Variants in CAMTA1 observed in about 807,000 individuals in gnomAD.
The protein encoded by CAMTA1 is calmodulin binding transcription activator 1.
CAMTA1 carries 27 observed loss-of-function variants against 170.9 expected under a neutral mutation model. The ratio of observed to expected loss-of-function variants is 0.16; its 90% CI spans 0.12 to 0.22. The LOEUF is 0.22. Among genes scored for constraint, CAMTA1 ranks in the 10% least tolerant of loss-of-function variants. The probability of loss-of-function intolerance (pLI) is 1.00; values close to 1 mark genes in which losing one functional copy is unlikely to be tolerated. For missense variants in CAMTA1, 1,619 were observed against 2,217.2 expected (o/e 0.73, Z 5.42); for synonymous variants, 833 against 891.5 (o/e 0.93, Z 1.17).
intron 5 of CAMTA1, among the ~76,000 whole-genome samples, chr1:7,276,557 C>G (rs974281356): frequency 2.0e-5 from 3 of 151,780 alleles, no homozygotes; most frequent in African/African-American, 4.8e-5. Context: ...GATCCGCTTG[C>G]CTCGGCCTCC....
In CAMTA1 at chr1:7,402,103, A is replaced by G. The variant is rs532309576; in HGVS notation, c.439-65727A>G. ...GCAGCAAGGGTGTCAGCACTCTGAC[A>G]TGAATAGTTTGACGTAATTGAGACC... On this transcript the variant is annotated intron_variant, in intron 5 of 22. Transcript: ENST00000303635. Among the ~76,000 whole-genome samples, 3 of 152,354 alleles carry G rather than the reference A, an allele frequency of 2.0e-5. No individual in the cohort carries two copies. In the South Asian group the frequency reaches 6.2e-4, roughly 32 times the overall value.
At chr1:7,026,342 T>C (rs1376790343) in intron 3 of CAMTA1, among the ~76,000 whole-genome samples, 2 of 151,664 alleles carry the variant, frequency 1.3e-5, no homozygotes, top group Non-Finnish European at 2.9e-5. Flanking sequence ...GATATTCCTA[T>C]ATGTCCAGGG....
chr1:7,174,974 A>G (rs1381088775), intron 4 of CAMTA1, among the ~76,000 whole-genome samples: 2 of 152,226 alleles, frequency 1.3e-5, no homozygotes, highest in Admixed American at 6.5e-5. Flanking sequence ...TTTATAAACT[A>G]TGTTTGAAAC....
At chr1:7,568,828 A>C (rs2095083681) in intron 6 of CAMTA1, among the ~76,000 whole-genome samples, 1 of 143,780 alleles carries the variant, frequency 7.0e-6, no homozygotes, top group African/African-American at 2.7e-5. Context: ...CGTCATCACC[A>C]AATCACCATC....
chr1:7,211,526 A>C (rs1658749550), intron 4 of CAMTA1, among the ~76,000 whole-genome samples: 1 of 152,234 alleles, frequency 6.6e-6, no homozygotes, highest in African/African-American at 2.4e-5. Flanking sequence ...TATAAGGATG[A>C]TTTCACTCAT....
intron 5 of CAMTA1, among the ~76,000 whole-genome samples, chr1:7,407,449 G>A (rs992968727): frequency 6.6e-6 from 1 of 152,196 alleles, no homozygotes; most frequent in Non-Finnish European, 1.5e-5. Flanking sequence ...TCTGAAGTCT[G>A]AAGTCTCAGG....
intron 5 of CAMTA1, among the ~76,000 whole-genome samples, chr1:7,354,975 G>A (rs2084983755): frequency 6.6e-6 from 1 of 152,158 alleles, no homozygotes; most frequent in Non-Finnish European, 1.5e-5. Flanking sequence ...GCTGAGGGGG[G>A]TGGATTGATT....
intron 6 of CAMTA1, among the ~76,000 whole-genome samples, chr1:7,537,406 T>C (rs2094562024): frequency 6.6e-6 from 1 of 152,154 alleles, no homozygotes; most frequent in South Asian, 2.1e-4. Context: ...AGCTTCAGAG[T>C]GGGCAGGACA....
intron 5 of CAMTA1, among the ~76,000 whole-genome samples, chr1:7,342,936 TCC>T (rs2083942016): frequency 1.3e-5 from 2 of 152,192 alleles, no homozygotes; most frequent in Non-Finnish European, 2.9e-5. Flanking sequence ...AACTCCTTGC[TCC>T]TATTAAGGCC....
intron 2 of CAMTA1, among the ~76,000 whole-genome samples, chr1:6,822,305 A>G (rs897038811): frequency 4.6e-5 from 7 of 152,206 alleles, no homozygotes; most frequent in African/African-American, 1.7e-4. Context: ...ACAGATTTTT[A>G]TGCAGTATAG....
At chr1:7,687,543 G>A (rs1558133079) in intron 11 of CAMTA1, among the ~76,000 whole-genome samples, 1 of 152,144 alleles carries the variant, frequency 6.6e-6, no homozygotes, top group Non-Finnish European at 1.5e-5. Context: ...AAGGGCAGGA[G>A]CCTCCTGGAC....
chr1:7,239,353 A>G (rs766128922), intron 4 of CAMTA1, among the ~76,000 whole-genome samples: 2 of 152,214 alleles, frequency 1.3e-5, no homozygotes, highest in Non-Finnish European at 2.9e-5. Flanking sequence ...ACAGTATCCA[A>G]GTAAGGTCTA....
At chr1:7,099,836 G>A (rs1642512005) in intron 4 of CAMTA1, among the ~76,000 whole-genome samples, 4 of 152,300 alleles carry the variant, frequency 2.6e-5, no homozygotes, top group Admixed American at 2.6e-4. Flanking sequence ...GTCAGCATTG[G>A]GTATGAGAGC....
intron 4 of CAMTA1, among the ~76,000 whole-genome samples, chr1:7,221,329 C>T (rs950068763): frequency 7.9e-5 from 12 of 151,988 alleles, no homozygotes; most frequent in African/African-American, 2.9e-4. Flanking sequence ...GTATTGCACT[C>T]TCCTACCTTG....
In CAMTA1 at chr1:7,310,702, CTTTCTTTCTTTCTT is replaced by C. The variant is rs1201327590; in HGVS notation, c.438+61078_438+61091del. On this transcript the variant is annotated intron_variant, in intron 5 of 22. Coordinates refer to ENST00000303635, the MANE Select transcript of CAMTA1 (RefSeq NM_015215.4). ...TTTCTCTCTCTCTCTCTCTCTCTCT[CTTTCTTTCTTTCTT>C]TCTTTCTTTCTTTCTTTCTTTCTTT... Among the ~76,000 whole-genome samples, 241 of 48,798 alleles carry C rather than the reference CTTTCTTTCTTTCTT, an allele frequency of 4.9e-3. 34 individuals carry two copies. Among genetic ancestry groups the C allele is most frequent in the African/African-American group, 0.021 (205 of 9,680 alleles). 32.0% of individuals were successfully genotyped at this position (48,798 alleles called of 152,430 possible). A position where few individuals can be genotyped will look rare whatever the true frequency, so the allele number is the denominator to read the frequency against.
At chr1:6,917,995 T>TCTGGGACCTAGG (rs899286712) in intron 3 of CAMTA1, among the ~76,000 whole-genome samples, 2 of 152,082 alleles carry the variant, frequency 1.3e-5, no homozygotes, top group African/African-American at 4.8e-5. Flanking sequence ...GTCCATGCTG[T>TCTGGGACCTAGG]CTGGGACCTA....
In CAMTA1 at chr1:7,300,678, CA is replaced by C. The variant is rs199680940; in HGVS notation, c.438+51065del. Among the ~76,000 whole-genome samples the C allele has an allele frequency of 0.035, 4,861 of 138,142 alleles. 187 individuals are homozygous for C. The highest frequency in any genetic ancestry group is 0.11 in the African/African-American group (4,164 of 37,896). The allele number at this position is 138,142 out of a possible 152,430, so 90.6% of individuals were successfully genotyped here. A position where few individuals can be genotyped will look rare whatever the true frequency, so the allele number is the denominator to read the frequency against. The stretch of plus-strand genomic sequence containing the variant: ...GACAACAAAGAGCAAAACTCTGTCT[CA>C]AAAAAAAAAAAATTGTATAGATATT... On this transcript the variant is annotated intron_variant, in intron 5 of 22. Transcript: ENST00000303635. The surrounding 1 kb of genome is among the most constrained non-coding windows in gnomAD (Gnocchi z 4.1).
chr1:7,579,287 T>G (rs1323040421), intron 6 of CAMTA1, among the ~76,000 whole-genome samples: 2 of 152,208 alleles, frequency 1.3e-5, no homozygotes, highest in African/African-American at 4.8e-5. Flanking sequence ...CCTGGAGAAG[T>G]CTTGCCAGCC....
intron 5 of CAMTA1, among the ~76,000 whole-genome samples, chr1:7,318,181 C>T (rs933086815): frequency 2.0e-5 from 3 of 152,222 alleles, no homozygotes; most frequent in Admixed American, 6.5e-5. Context: ...TGTGTTCCTC[C>T]AAATAAGGCA....
Sources: gnomAD v4.1 joint callset for allele counts (sites outside exome capture counted in the v4.1 genomes callset) on GRCh38, gnomAD v4.1.1 for gene constraint, Gnocchi (gnomAD v3.1) non-coding constraint, MANE v1.5 for transcripts, NCBI Gene and HGNC (gene_info 2026-07-23, HGNC 2026-07-21) for gene names.